APOBEC3A: variants seen among roughly 807,000 people sequenced by gnomAD.
APOBEC3A encodes apolipoprotein B mRNA editing enzyme catalytic subunit 3A.
In APOBEC3A, 13 loss-of-function variants were observed where a neutral mutation model predicts 23.0. The observed-to-expected ratio is 0.57, with a 90% CI of 0.37 to 0.90. The LOEUF (loss-of-function observed/expected upper bound fraction) is 0.90, where lower values mean the gene tolerates loss of function less well. APOBEC3A is among the 40% of genes least tolerant of loss of function. APOBEC3A has a pLI of 0.01. For synonymous variants in APOBEC3A, 74 were observed against 101.3 expected (o/e 0.73, Z 1.62); for missense variants, 179 against 264.9 (o/e 0.68, Z 2.25).
In APOBEC3A at chr22:38,962,833, C is replaced by A. The variant is rs1463208122; in HGVS notation, c.*324C>A. On this transcript the variant is annotated 3_prime_UTR_variant, in exon 5 of 5. Transcript: ENST00000249116. ...ATTAGCCAGGCGTGGTGGCGGGCGC[C>A]TGTAGTCCCAGCTACTCTGGAGGCT... The A allele has an allele frequency of 4.2e-6, 2 of 470,984 alleles. No individual in the cohort carries two copies. Among genetic ancestry groups the A allele is most frequent in the Non-Finnish European group, 7.1e-6 (2 of 280,586 alleles). 29.2% of individuals were successfully genotyped at this position (470,984 alleles called of 1,614,324 possible).
intron 1 of APOBEC3A, among the ~76,000 whole-genome samples, chr22:38,958,691 TTTTCTTTC>T (rs932744096): frequency 1.3e-5 from 2 of 149,462 alleles, no homozygotes; most frequent in Non-Finnish European, 3.0e-5. Context: ...TTCCTTTCTT[TTTTCTTTC>T]TTTCTTTCCT....
chr22:38,960,560 C>A (rs1300585820), intron 2 of APOBEC3A, among the ~76,000 whole-genome samples: 1 of 152,198 alleles, frequency 6.6e-6, no homozygotes, highest in African/African-American at 2.4e-5. Context: ...GTGGAAAATC[C>A]TTTTCTCTGG....
intron 1 of APOBEC3A, among the ~76,000 whole-genome samples, chr22:38,958,027 C>G (rs986469523): frequency 2.6e-5 from 4 of 152,226 alleles, no homozygotes; most frequent in African/African-American, 9.7e-5. Flanking sequence ...CCTCACTTGT[C>G]TTTAAATGAG....
At chr22:38,960,691 A>C (rs1922840986) in intron 2 of APOBEC3A, among the ~76,000 whole-genome samples, 1 of 152,170 alleles carries the variant, frequency 6.6e-6, no homozygotes, top group Non-Finnish European at 1.5e-5. Flanking sequence ...CTTTTGGTGG[A>C]ATTCATTTTG....
intron 3 of APOBEC3A, 43 bp from the exon 4 acceptor site, chr22:38,962,055 T>C (rs1922921391): frequency 6.3e-7 from 1 of 1,582,198 alleles, no homozygotes; most frequent in Non-Finnish European, 8.6e-7. Flanking sequence ...GCCACCCCGA[T>C]CCCACAGCGG....
chr22:38,959,502 G>C (rs548171264), intron 1 of APOBEC3A, 40 bp from the exon 2 acceptor site: 32 of 1,604,020 alleles, frequency 2.0e-5, no homozygotes, highest in Non-Finnish European at 2.7e-5. Flanking sequence ...CAGTCCAGGA[G>C]GGCTCTTCCT....
intron 1 of APOBEC3A, 127 bp from the exon 2 acceptor site, chr22:38,959,415 G>A (rs1019541406): frequency 4.4e-5 from 51 of 1,146,782 alleles, no homozygotes; most frequent in Middle Eastern, 2.6e-4. Flanking sequence ...TTGGAAGTGT[G>A]CTAAGGGATG....
chr22:38,959,816 G>A lies in APOBEC3A; in HGVS notation c.174+130G>A, dbSNP rs369862207. 40 of 1,315,266 alleles carry A rather than the reference G, an allele frequency of 3.0e-5. 1 individual carries two copies. In the African/African-American group the frequency reaches 3.6e-4, roughly 12 times the overall value. 81.5% of individuals were successfully genotyped at this position (1,315,266 alleles called of 1,614,324 possible). ...ACTTGTGCTTCCTGCAGCTGCTGCT[G>A]CTTGGCCCTGGGGTTGGGGGGAGAC... On this transcript the variant is annotated intron_variant, in intron 2 of 4. Transcript: ENST00000249116.
chr22:38,961,948 C>A, intron 3 of APOBEC3A, 150 bp from the exon 4 acceptor site: 2 of 1,208,776 alleles, frequency 1.7e-6, no homozygotes, highest in Non-Finnish European at 2.3e-6. Flanking sequence ...GAAGGAACTG[C>A]CTGATGAAGG....
chr22:38,961,257 T>A (rs1922865234), intron 2 of APOBEC3A, 130 bp from the exon 3 acceptor site: 1 of 702,774 alleles, frequency 1.4e-6, no homozygotes, highest in South Asian at 1.9e-5. Flanking sequence ...AAATCATGCA[T>A]CCTAATAACC....
At chr22:38,960,711 T>G (rs1922841272) in intron 2 of APOBEC3A, among the ~76,000 whole-genome samples, 2 of 152,210 alleles carry the variant, frequency 1.3e-5, no homozygotes, top group Non-Finnish European at 2.9e-5. Flanking sequence ...GGCCTAAGTC[T>G]ATATCACATT....
In APOBEC3A at chr22:38,959,703, T is replaced by A. The variant is rs1484542086; in HGVS notation, c.174+17T>A. 2 of 1,611,046 alleles carry A rather than the reference T, an allele frequency of 1.2e-6. No homozygotes were observed. The highest frequency in any genetic ancestry group is 1.7e-5 in the Admixed American group (1 of 59,866). On this transcript the variant is annotated intron_variant, in intron 2 of 4. Coordinates refer to ENST00000249116, the MANE Select transcript of APOBEC3A (RefSeq NM_145699.4). ...CACAACCAGGTGACCGACCCAGCCA[T>A]CCGAATCCGGGCAGGGCCCTTCCAA...
Position 38,962,786 on chromosome 22 carries a change from G to A in APOBEC3A, c.*277G>A, listed in dbSNP as rs561706293. ...ATCCTGGCTAACACGGTGAAACCCT[G>A]TCTCTACTAAAAATACAAAAAATTA... On this transcript the variant is annotated 3_prime_UTR_variant, in exon 5 of 5. Transcript: ENST00000249116. 2.1e-5 allele frequency: 16 copies of A among 758,226 alleles called. 1 individual carries two copies. Among genetic ancestry groups the A allele is most frequent in the South Asian group, 1.2e-4 (6 of 49,688 alleles). The allele number at this position is 758,226 out of a possible 1,614,324, so 47.0% of individuals were successfully genotyped here.
intron 2 of APOBEC3A, 104 bp downstream of exon 2, chr22:38,959,790 C>T (rs1192781123): frequency 6.9e-7 from 1 of 1,444,152 alleles, no homozygotes; most frequent in Non-Finnish European, 9.3e-7. Context: ...CAGTGTTTGT[C>T]ACTTGTGCTT....
rs1922953801 is a variant in APOBEC3A, at chr22:38,962,548, G to A, written c.*39G>A. 4.6e-6 allele frequency: 7 copies of A among 1,518,574 alleles called. No individual in the cohort carries two copies. The South Asian group carries it at 7.7e-5, about 17-fold the overall frequency. 94.1% of individuals were successfully genotyped at this position (1,518,574 alleles called of 1,614,324 possible). A position where few individuals can be genotyped will look rare whatever the true frequency, so the allele number is the denominator to read the frequency against. The stretch of plus-strand genomic sequence containing the variant: ...GTCTCTAAGGAAGGCAGAGACCTGG[G>A]TTGAGCAGCAGAATAAAAGATCTTC... On this transcript the variant is annotated 3_prime_UTR_variant, in exon 5 of 5. Transcript: ENST00000249116.
chr22:38,959,655 T>C lies in APOBEC3A; in HGVS notation c.143T>C (p.Met48Thr), dbSNP rs761073249. ...CTGGACAATGGCACCTCGGTCAAGA[T>C]GGACCAGCACAGGGGCTTTCTACAC... ...ERLDNGTSVKMDQHRGFLHNQ... is the reference protein window; with the variant it reads ...ERLDNGTSVKTDQHRGFLHNQ... Residue 48 changes from methionine (M) to threonine (T), a missense_variant, in exon 2 of 5, where the codon ATG (methionine) becomes ACG (threonine). By Grantham distance (81) the Met-to-Thr change is moderately conservative (BLOSUM62 -1). Transcript: ENST00000249116. 8 of 1,613,934 alleles carry C rather than the reference T, an allele frequency of 5.0e-6. No homozygotes were observed. The East Asian group carries it at 1.8e-4, about 36-fold the overall frequency.
At chr22:38,959,291 T>C (rs1279528475) in intron 1 of APOBEC3A, among the ~76,000 whole-genome samples, 1 of 152,042 alleles carries the variant, frequency 6.6e-6, no homozygotes, top group African/African-American at 2.4e-5. Flanking sequence ...AGGGTCCTCC[T>C]CGGAGGGCCT....
At chr22:38,962,052 C>G (rs536312375) in intron 3 of APOBEC3A, 46 bp from the exon 4 acceptor site, 6 of 1,578,750 alleles carry the variant, frequency 3.8e-6, no homozygotes, top group East Asian at 2.2e-5. Context: ...GGTGCCACCC[C>G]GATCCCACAG....
intron 2 of APOBEC3A, among the ~76,000 whole-genome samples, chr22:38,960,250 C>A (rs1922818402): frequency 6.6e-6 from 1 of 152,206 alleles, no homozygotes; most frequent in Non-Finnish European, 1.5e-5. Flanking sequence ...TCTGGAGAGA[C>A]CAGGTAATGC....
Sources: allele counts gnomAD v4.1 joint callset (sites outside exome capture counted in the v4.1 genomes callset), GRCh38; gene constraint gnomAD v4.1.1; transcripts MANE v1.5; gene names NCBI Gene and HGNC (gene_info 2026-07-23, HGNC 2026-07-21).